The following TEX9 variants were observed in gnomAD, a reference collection of about 807,000 sequenced individuals.
The protein encoded by TEX9 is testis-expressed protein 9.
Under a neutral mutation model 59.6 loss-of-function variants are expected in TEX9, and 74 were observed. The observed-to-expected ratio is 1.24, with a 90% CI of 1.03 to 1.51. TEX9 has a LOEUF of 1.51. Ranked by LOEUF, TEX9 falls within the 40% of genes most tolerant of loss-of-function variation. TEX9 has a pLI of 0.00. For synonymous variants in TEX9, 186 were observed against 152.2 expected (o/e 1.22, Z -1.64); for missense variants, 522 against 447.8 (o/e 1.17, Z -1.49).
chr15:56,407,672 G>T (rs958122675), intron 9 of TEX9, among the ~76,000 whole-genome samples: 10 of 151,954 alleles, frequency 6.6e-5, no homozygotes, highest in Non-Finnish European at 1.5e-4. Context: ...CTCACTTTCT[G>T]AGAAGTCAAT....
chr15:56,434,059 A>G lies in TEX9; in HGVS notation c.*29+5586A>G, dbSNP rs1253462015. On this transcript the variant is annotated intron_variant, in intron 12 of 12. Coordinates refer to ENST00000352903, the Ensembl canonical transcript of TEX9. ...CATTGTCTGGCATATAAAGCTTCTC[A>G]GTAAATGTTTAGTGGATGATAGATG... 5 of 1,431,638 alleles carry G rather than the reference A, an allele frequency of 3.5e-6. No homozygotes were observed. The African/African-American group carries it at 5.7e-5, about 16-fold the overall frequency. The allele number at this position is 1,431,638 out of a possible 1,614,324, so 88.7% of individuals were successfully genotyped here.
At chr15:56,334,235 A>G (rs2046216270) in intron 1 of TEX9, among the ~76,000 whole-genome samples, 1 of 152,170 alleles carries the variant, frequency 6.6e-6, no homozygotes, top group East Asian at 1.9e-4. Context: ...AGCTAGAGGA[A>G]CTACACTACC....
intron 1 of TEX9, among the ~76,000 whole-genome samples, chr15:56,327,865 C>G (rs1317558631): frequency 6.6e-6 from 1 of 152,124 alleles, no homozygotes. Flanking sequence ...CCACTGAAGC[C>G]TAAAGTGCTT....
chr15:56,426,010 T>C (rs1226116636), intron 10 of TEX9, among the ~76,000 whole-genome samples: 3 of 152,200 alleles, frequency 2.0e-5, no homozygotes, highest in African/African-American at 7.2e-5. Flanking sequence ...AAAATCTCAC[T>C]ACTTCTTCTC....
At chr15:56,434,675 A>T in intron 12 of TEX9, among the ~76,000 whole-genome samples, 1 of 152,130 alleles carries the variant, frequency 6.6e-6, no homozygotes, top group East Asian at 1.9e-4. Flanking sequence ...CTTTGGAAAG[A>T]GCTGTTACAA....
chr15:56,344,368 C>G (rs2046426527), intron 1 of TEX9, among the ~76,000 whole-genome samples: 1 of 152,124 alleles, frequency 6.6e-6, no homozygotes, highest in African/African-American at 2.4e-5. Context: ...AATGCTACGA[C>G]AAAGGTGAAC....
chr15:56,261,814 G>T (rs2044276230), intron 1 of TEX9, among the ~76,000 whole-genome samples: 1 of 152,162 alleles, frequency 6.6e-6, no homozygotes, highest in Non-Finnish European at 1.5e-5. Flanking sequence ...GTAGATGTAG[G>T]TTACAGCCTC....
intron 9 of TEX9, among the ~76,000 whole-genome samples, chr15:56,401,754 A>T (rs1027054020): frequency 5.3e-5 from 8 of 152,230 alleles, no homozygotes; most frequent in Non-Finnish European, 8.8e-5. Context: ...CAGCAAATGT[A>T]AAAGAACAGA....
intron 1 of TEX9, among the ~76,000 whole-genome samples, chr15:56,255,178 G>A (rs533752026): frequency 6.6e-6 from 1 of 152,108 alleles, no homozygotes; most frequent in South Asian, 2.1e-4. Flanking sequence ...CAACCACTCA[G>A]CTCTGCTGTT....
At position 56,394,190 on chromosome 15, in the gene TEX9, C is replaced by G. The variant is rs140451868; in HGVS notation, c.597C>G (p.Ala199=). ...AAGCACAGATCAGATTTCTAAAGGC[C>G]AAACTCCATGTTATGCAGGAGGAAT... The change falls in exon 8 of 13, where the codon GCC becomes GCG. Residue 199 remains alanine (A), a synonymous_variant. Coordinates refer to ENST00000352903, the Ensembl canonical transcript of TEX9. The G allele has an allele frequency of 1.1e-3, 1,845 of 1,607,966 alleles. 2 individuals are homozygous for G. Among genetic ancestry groups the G allele is most frequent in the Non-Finnish European group, 1.4e-3 (1,607 of 1,177,458 alleles).
At chr15:56,306,316 G>A (rs935844043) in intron 1 of TEX9, among the ~76,000 whole-genome samples, 1 of 144,490 alleles carries the variant, frequency 6.9e-6, no homozygotes, top group Non-Finnish European at 1.5e-5. Context: ...GCACTTCCAT[G>A]TGCATTGCAG....
chr15:56,260,931 A>G (rs888145157), intron 1 of TEX9, among the ~76,000 whole-genome samples: 2 of 151,796 alleles, frequency 1.3e-5, no homozygotes, highest in Non-Finnish European at 2.9e-5. Context: ...AATGATTTTT[A>G]TTTCTTTTAA....
At chr15:56,456,527 C>CAAG in the TEX9 span, 1 of 1,604,542 alleles carries the variant, frequency 6.2e-7, no homozygotes, top group African/African-American at 1.3e-5. Context: ...TCTGCCTGAA[C>CAAG]GAAAAATTTA....
the TEX9 span, among the ~76,000 whole-genome samples, chr15:56,459,832 A>C: frequency 4.0e-5 from 6 of 150,042 alleles, no homozygotes; most frequent in African/African-American, 1.5e-4. Flanking sequence ...CCCTACTAAA[A>C]ATACAGAATT....
chr15:56,403,339 T>C (rs184493891), intron 9 of TEX9, among the ~76,000 whole-genome samples: 27 of 152,174 alleles, frequency 1.8e-4, no homozygotes, highest in African/African-American at 6.3e-4. Context: ...TATACACCAA[T>C]AACAGACACA....
At chr15:56,404,107 T>C (rs2048943982) in intron 9 of TEX9, among the ~76,000 whole-genome samples, 1 of 152,210 alleles carries the variant, frequency 6.6e-6, no homozygotes, top group African/African-American at 2.4e-5. Context: ...CCAAAAGCAA[T>C]GGCAACAAAA....
intron 10 of TEX9, among the ~76,000 whole-genome samples, chr15:56,417,027 T>C (rs1424082173): frequency 6.6e-6 from 1 of 151,748 alleles, no homozygotes; most frequent in Non-Finnish European, 1.5e-5. Flanking sequence ...ATGGTTGTTT[T>C]TATTTCTGTG....
exon 9 of TEX9, chr15:56,394,747 G>T (rs2048375832): frequency 1.2e-6 from 2 of 1,612,394 alleles, no homozygotes; most frequent in African/African-American, 1.3e-5. Context: ...ATATGCAACA[G>T]TCTCAAGTAG....
At position 56,250,462 on chromosome 15, in the gene TEX9, C is replaced by T. The variant is rs138553774; in HGVS notation, c.-107+6184C>T. Among the ~76,000 whole-genome samples the T allele has an allele frequency of 2.3e-3, 346 of 152,298 alleles. 2 individuals carry two copies. Among genetic ancestry groups the T allele is most frequent in the African/African-American group, 8.0e-3 (331 of 41,564 alleles). Reference sequence around the variant, plus strand: ...GAAAACGAGCATGCAAATGACAAGACACACAGAAGACTGGTCTAATTGGAG... The same window carrying T: ...GAAAACGAGCATGCAAATGACAAGATACACAGAAGACTGGTCTAATTGGAG... On this transcript the variant is annotated intron_variant, in intron 1 of 5. Coordinates refer to the TEX9 transcript ENST00000560827.
Sources: allele counts gnomAD v4.1 joint callset (sites outside exome capture counted in the v4.1 genomes callset), GRCh38; gene constraint gnomAD v4.1.1; transcripts MANE v1.5; gene names NCBI Gene and HGNC (gene_info 2026-07-23, HGNC 2026-07-21).